The following SSPN variants were observed in gnomAD, a reference collection of about 807,000 sequenced individuals.
SSPN encodes the protein sarcospan, also known as K-ras oncogene-associated protein.
Under a neutral mutation model 19.1 loss-of-function variants are expected in SSPN, and 15 were observed. The ratio of observed to expected loss-of-function variants is 0.78; its 90% CI spans 0.52 to 1.21. The LOEUF (loss-of-function observed/expected upper bound fraction) is 1.21. Among genes scored for constraint, SSPN ranks in the 50% most tolerant of loss-of-function variants. The pLI is 0.00. For missense variants in SSPN, 291 were observed against 314.0 expected, an observed-to-expected ratio of 0.93 and a Z score of 0.55; for synonymous variants, 147 against 140.3, an observed-to-expected ratio of 1.05 and a Z score of -0.34.
At chr12:26,226,590 G>T (rs987257275) in intron 2 of SSPN, among the ~76,000 whole-genome samples, 2 of 152,068 alleles carry the variant, frequency 1.3e-5, no homozygotes, top group Non-Finnish European at 2.9e-5. Context: ...CCACCAGCGC[G>T]TTCCTTTTTC....
chr12:26,202,000 A>C (rs1336186324), intron 1 of SSPN, among the ~76,000 whole-genome samples: 2 of 152,182 alleles, frequency 1.3e-5, no homozygotes, highest in African/African-American at 4.8e-5. Context: ...CCTGATACCA[A>C]AATTCACAGA....
rs996492353 is a variant in SSPN at position 26,207,852 on chromosome 12, T to C, written c.279+11901T>C. Among the ~76,000 whole-genome samples the C allele has an allele frequency of 4.6e-5, 7 of 152,004 alleles. 1 individual carries two copies. The South Asian group carries it at 1.0e-3, about 23-fold the overall frequency. ...CAAAAAATACTTTTTGTAGAGAAATTAGCTGGGTGTGGTGGCAGATGCCTG... is the reference window on the plus strand; with the variant it reads ...CAAAAAATACTTTTTGTAGAGAAATCAGCTGGGTGTGGTGGCAGATGCCTG... On this transcript the variant is annotated intron_variant, in intron 1 of 2. Transcript: ENST00000242729.
At chr12:26,157,253 A>G (rs764876351) in intron 1 of SSPN, among the ~76,000 whole-genome samples, 3 of 152,256 alleles carry the variant, frequency 2.0e-5, no homozygotes, top group Non-Finnish European at 4.4e-5. Context: ...AAGTGATTGC[A>G]GATTTTACTG....
intron 1 of SSPN, among the ~76,000 whole-genome samples, chr12:26,203,797 T>C (rs992362989): frequency 1.3e-5 from 2 of 152,100 alleles, no homozygotes; most frequent in Admixed American, 1.3e-4. Flanking sequence ...AAGATCAGGG[T>C]GTCAACATGG....
intron 1 of SSPN, among the ~76,000 whole-genome samples, chr12:26,162,859 G>T (rs1944597428): frequency 6.6e-6 from 1 of 152,176 alleles, no homozygotes; most frequent in Non-Finnish European, 1.5e-5. Context: ...CAATCTGAAA[G>T]CTTGGGAAGA....
rs367795337 is a variant in SSPN at position 26,123,012 on chromosome 12, G to A, written c.-31+860G>A. On this transcript the variant is annotated intron_variant, in intron 1 of 2. Coordinates refer to the SSPN transcript ENST00000538142. ...GGTGGGCAAGAACTGGGTGGCCACG[G>A]CGTGCAAGTGGTTGATCAGCTGGAC... 7.6e-6 allele frequency: 12 copies of A among 1,569,804 alleles called. No homozygotes were observed. The African/African-American group carries it at 1.2e-4, about 16-fold the overall frequency.
chr12:26,135,152 G>T (rs898319010), intron 1 of SSPN: 1 of 152,316 alleles, frequency 6.6e-6, no homozygotes, highest in Non-Finnish European at 1.5e-5. Flanking sequence ...CAGAGACCGT[G>T]GGTTGGTGAG....
At chr12:26,143,360 A>C (rs1944471625) in intron 1 of SSPN, among the ~76,000 whole-genome samples, 1 of 152,326 alleles carries the variant, frequency 6.6e-6, no homozygotes, top group South Asian at 2.1e-4. Flanking sequence ...AATGCTTTAT[A>C]CACATGATTT....
intron 2 of SSPN, among the ~76,000 whole-genome samples, chr12:26,225,991 GA>G (rs113937521): frequency 0.015 from 2,115 of 141,564 alleles, 49 homozygotes; most frequent in African/African-American, 0.049. Context: ...AAAAAAAATA[GA>G]AAAAAAAAAA....
At chr12:26,221,337 C>T (rs779487433) in intron 1 of SSPN, among the ~76,000 whole-genome samples, 13 of 152,160 alleles carry the variant, frequency 8.5e-5, no homozygotes, top group Non-Finnish European at 1.9e-4. Flanking sequence ...CAGATGTAGT[C>T]CTAGTACTTT....
At chr12:26,122,003 C>T (rs1356958670) in exon 1 of SSPN, 18 of 1,544,056 alleles carry the variant, frequency 1.2e-5, no homozygotes, top group Non-Finnish European at 1.3e-5. Context: ...TCTGCTTGAA[C>T]CTCCTTAAGG....
Position 26,195,762 on chromosome 12 carries a change from G to T in SSPN, c.90G>T (p.Lys30Asn). Residue 30 changes from lysine (K) to asparagine (N), a missense_variant, in exon 1 of 3, where the codon AAG becomes AAT. Physicochemically the swap from Lys to Asn is moderately conservative, Grantham distance 94. Coordinates refer to ENST00000242729, the MANE Select transcript of SSPN (RefSeq NM_005086.5). ...DAAGPDDMEP[K>N]KGTGAPKECG... is the part of the protein sequence containing the mutation. ...CTGGGCCCGACGACATGGAGCCGAA[G>T]AAGGGCACGGGGGCCCCCAAGGAGT... 6.7e-7 allele frequency: 1 copy of T among 1,496,074 alleles called. No individual in the cohort carries two copies. Among genetic ancestry groups the T allele is most frequent in the East Asian group, 2.8e-5 (1 of 35,548 alleles). 92.7% of individuals were successfully genotyped at this position (1,496,074 alleles called of 1,614,324 possible).
intron 1 of SSPN, among the ~76,000 whole-genome samples, chr12:26,198,208 G>A (rs1214360607): frequency 1.3e-5 from 2 of 152,112 alleles, no homozygotes; most frequent in African/African-American, 4.8e-5. Context: ...CTGTCGCCCA[G>A]GCTAGAATGC....
upstream of SSPN, chr12:26,195,371 TGCAGA>T: frequency 3.1e-6 from 1 of 326,482 alleles, no homozygotes; most frequent in Non-Finnish European, 5.5e-6. Context: ...CTGTCTGAAG[TGCAGA>T]GGTTCAGGCG....
chr12:26,180,609 A>C (rs1453766834), intron 1 of SSPN: 3 of 152,204 alleles, frequency 2.0e-5, no homozygotes, highest in Non-Finnish European at 4.4e-5. Flanking sequence ...CCCTAATCTT[A>C]AAATTTAGCT....
chr12:26,122,593 C>A, intron 1 of SSPN: 1 of 1,115,322 alleles, frequency 9.0e-7, no homozygotes, highest in South Asian at 4.3e-5. Flanking sequence ...GCGGCAGGGT[C>A]GGGCCCCAGA....
intron 1 of SSPN, among the ~76,000 whole-genome samples, chr12:26,137,848 G>T (rs184656513): frequency 8.9e-4 from 135 of 150,840 alleles, no homozygotes; most frequent in Middle Eastern, 6.9e-3. Flanking sequence ...TTGTATTTTA[G>T]TAGAGACGGG....
intron 1 of SSPN, among the ~76,000 whole-genome samples, chr12:26,170,132 G>T (rs1389999361): frequency 6.6e-6 from 1 of 152,146 alleles, no homozygotes; most frequent in Non-Finnish European, 1.5e-5. Flanking sequence ...TGGACTCCCT[G>T]CATTCCCCCA....
intron 1 of SSPN, among the ~76,000 whole-genome samples, chr12:26,183,748 G>A (rs892044609): frequency 3.9e-5 from 6 of 152,184 alleles, no homozygotes; most frequent in African/African-American, 9.7e-5. Context: ...AGGGAATGCC[G>A]CAAGTTGCTG....
Sources: gnomAD v4.1 joint callset for allele counts (sites outside exome capture counted in the v4.1 genomes callset) on GRCh38, gnomAD v4.1.1 for gene constraint, MANE v1.5 for transcripts, NCBI Gene and HGNC (gene_info 2026-07-23, HGNC 2026-07-21) for gene names.